Variants in CDH8 observed in about 807,000 individuals in gnomAD.
The protein encoded by CDH8 is cadherin 8.
CDH8 carries 17 observed loss-of-function variants against 68.1 expected under a neutral mutation model. The ratio of observed to expected loss-of-function variants is 0.25; its 90% CI spans 0.17 to 0.37. The LOEUF is 0.37. Ranked by LOEUF, CDH8 falls within the 10% of genes least tolerant of loss-of-function variation. The pLI is 1.00. For missense variants in CDH8, 763 were observed against 999.3 expected (o/e 0.76, Z 3.19); for synonymous variants, 372 against 365.1 (o/e 1.02, Z -0.21).
At chr16:61,832,566 C>CAT (rs1962483949) in intron 4 of CDH8, among the ~76,000 whole-genome samples, 1 of 151,642 alleles carries the variant, frequency 6.6e-6, no homozygotes, top group Non-Finnish European at 1.5e-5. Flanking sequence ...TACATTTTGA[C>CAT]CAGTACTTTT....
rs562381233 is a variant in CDH8 at position 62,021,127 on chromosome 16, T to G, written c.252+25A>C. On this transcript the variant is annotated intron_variant, in intron 2 of 11. Transcript: ENST00000577390. ...TTAAGACCACTAACAGACCCTGAAATTGAGATCTTAAAAACAAAGCTTACC... is the reference window on the plus strand; with the variant it reads ...TTAAGACCACTAACAGACCCTGAAAGTGAGATCTTAAAAACAAAGCTTACC... 13 of 1,605,514 alleles carry G rather than the reference T, an allele frequency of 8.1e-6. No homozygotes were observed. In the African/African-American group the frequency reaches 1.7e-4, roughly 21 times the overall value.
chr16:61,814,308 T>C (rs180865553), intron 7 of CDH8, among the ~76,000 whole-genome samples: 1 of 152,290 alleles, frequency 6.6e-6, no homozygotes, highest in East Asian at 1.9e-4. Context: ...GTGAAAGACA[T>C]AGTATTGCAG....
intron 8 of CDH8, among the ~76,000 whole-genome samples, chr16:61,755,982 G>T (rs1960305518): frequency 6.6e-6 from 1 of 151,954 alleles, no homozygotes; most frequent in African/African-American, 2.4e-5. Flanking sequence ...AACCACGCCT[G>T]GCTAATGTTT....
At chr16:61,792,572 T>C (rs1048926393) in intron 7 of CDH8, among the ~76,000 whole-genome samples, 3 of 152,012 alleles carry the variant, frequency 2.0e-5, no homozygotes, top group Non-Finnish European at 4.4e-5. Flanking sequence ...CCTTCTTTTC[T>C]TGGTTTCTTA....
At chr16:61,698,734 C>T (rs753239198) in intron 10 of CDH8, among the ~76,000 whole-genome samples, 1 of 152,152 alleles carries the variant, frequency 6.6e-6, no homozygotes, top group Admixed American at 6.6e-5. Flanking sequence ...CCAGGTTTGG[C>T]CTTCACTTCT....
At chr16:61,906,006 T>C (rs967871944) in intron 2 of CDH8, among the ~76,000 whole-genome samples, 2 of 151,282 alleles carry the variant, frequency 1.3e-5, no homozygotes, top group Non-Finnish European at 2.9e-5. Flanking sequence ...GAGAGCATAG[T>C]ATGGGAGAGA....
At chr16:61,662,285 T>C (rs1244903168) in intron 10 of CDH8, among the ~76,000 whole-genome samples, 1 of 151,864 alleles carries the variant, frequency 6.6e-6, no homozygotes, top group Admixed American at 6.6e-5. Context: ...TTCTTGTCTC[T>C]GAATCTTAGC....
chr16:61,717,858 T>A (rs1452155494), intron 9 of CDH8, among the ~76,000 whole-genome samples: 1 of 151,522 alleles, frequency 6.6e-6, no homozygotes, highest in Non-Finnish European at 1.5e-5. Context: ...CATTTTTGCA[T>A]CATCATTTAT....
chr16:61,870,044 C>T (rs1417228815), intron 3 of CDH8, among the ~76,000 whole-genome samples: 1 of 152,176 alleles, frequency 6.6e-6, no homozygotes, highest in East Asian at 1.9e-4. Context: ...TTGTAGTTGA[C>T]TCCAGTAATA....
intron 10 of CDH8, among the ~76,000 whole-genome samples, chr16:61,700,239 G>A (rs572301419): frequency 6.6e-6 from 1 of 151,316 alleles, no homozygotes; most frequent in South Asian, 2.1e-4. Context: ...ACACCCAGTA[G>A]CAGGATTATT....
rs189439479 is a variant in CDH8 at position 61,742,996 on chromosome 16, G to A, written c.1415-15781C>T. ...ATTTATGCCATTTTGCAAAGCCTGC[G>A]TTTTTAAACTCGCCTCTATCACAAT... On this transcript the variant is annotated intron_variant, in intron 8 of 11. Transcript: ENST00000577390. Among the ~76,000 whole-genome samples the A allele has an allele frequency of 5.5e-3, 835 of 152,132 alleles. 4 individuals are homozygous for A. The highest frequency in any genetic ancestry group is 0.012 in the South Asian group (58 of 4,822).
chr16:61,901,722 T>C (rs549021357), intron 2 of CDH8, among the ~76,000 whole-genome samples: 1 of 152,298 alleles, frequency 6.6e-6, no homozygotes, highest in South Asian at 2.1e-4. Flanking sequence ...CAACATGCTT[T>C]TAGAATGATA....
At chr16:61,859,172 C>T (rs1417081180) in intron 3 of CDH8, among the ~76,000 whole-genome samples, 1 of 152,164 alleles carries the variant, frequency 6.6e-6, no homozygotes, top group Non-Finnish European at 1.5e-5. Context: ...AAAAATGCAA[C>T]TCAATGCCTC....
chr16:61,822,101 ACTTT>A (rs1279154363), intron 5 of CDH8, among the ~76,000 whole-genome samples: 1 of 151,126 alleles, frequency 6.6e-6, no homozygotes, highest in Non-Finnish European at 1.5e-5. Context: ...TGGCAGGATA[ACTTT>A]GAGTTTTTTC....
chr16:61,852,381 C>T (rs996011886), intron 4 of CDH8, among the ~76,000 whole-genome samples: 4 of 151,988 alleles, frequency 2.6e-5, no homozygotes, highest in Admixed American at 6.6e-5. Flanking sequence ...ACTAGTAGTA[C>T]CATCACAGTG....
rs1424099849 is a variant in CDH8, at chr16:62,021,152, C to T, written c.252G>A (p.Arg84=). 3 of 1,613,482 alleles carry T rather than the reference C, an allele frequency of 1.9e-6. No individual in the cohort carries two copies. Among genetic ancestry groups the T allele is most frequent in the Admixed American group, 1.7e-5 (1 of 59,924 alleles). ...TTGAGATCTTAAAAACAAAGCTTAC[C>T]CGGCCAACAAGAATCGGTTCAGGTC... ...FSGPEPILVG[R]LHTDLDPGSK... Residue 84 remains arginine, a splice_region_variant and synonymous_variant, in exon 2 of 12, where the codon CGG becomes CGA. Coordinates refer to ENST00000577390, the MANE Select transcript of CDH8 (RefSeq NM_001796.5).
In CDH8 at chr16:61,815,938, C is replaced by A. The variant is rs549560179; in HGVS notation, c.1277+1541G>T. 2.0e-5 allele frequency among the ~76,000 whole-genome samples: 3 copies of A among 152,116 alleles called. No individual in the cohort carries two copies. The East Asian group carries it at 5.8e-4, about 29-fold the overall frequency. On this transcript the variant is annotated intron_variant, in intron 7 of 11. Coordinates refer to ENST00000577390, the MANE Select transcript of CDH8 (RefSeq NM_001796.5). The stretch of plus-strand genomic sequence containing the variant: ...CATTGCATAATTTCACTATATTTTC[C>A]GGAAATTAATGCCAATGTAAATTTT...
chr16:61,687,352 T>A (rs1964129842), intron 10 of CDH8, among the ~76,000 whole-genome samples: 1 of 151,902 alleles, frequency 6.6e-6, no homozygotes, highest in African/African-American at 2.4e-5. Flanking sequence ...AATCTTAACT[T>A]TAGATGAGGA....
intron 9 of CDH8, among the ~76,000 whole-genome samples, chr16:61,724,123 T>C (rs1281120473): frequency 6.6e-6 from 1 of 150,752 alleles, no homozygotes; most frequent in Non-Finnish European, 1.5e-5. Flanking sequence ...CATTTCTCCC[T>C]ATTTAGGTTA....
Sources: gnomAD v4.1 joint callset for allele counts (sites outside exome capture counted in the v4.1 genomes callset) on GRCh38, gnomAD v4.1.1 for gene constraint, MANE v1.5 for transcripts, NCBI Gene and HGNC (gene_info 2026-07-23, HGNC 2026-07-21) for gene names.